The following PRKG1 variants were observed in gnomAD, a reference collection of about 807,000 sequenced individuals.
PRKG1 encodes cGMP-dependent protein kinase 1.
In PRKG1, 35 loss-of-function variants were observed where a neutral mutation model predicts 88.1. The observed-to-expected ratio is 0.40, with a 90% confidence interval of 0.30 to 0.53. The LOEUF (loss-of-function observed/expected upper bound fraction) is 0.53, where lower values mean the gene tolerates loss of function less well. PRKG1 is among the 20% of genes least tolerant of loss of function. The pLI is 0.59. For missense variants in PRKG1, 540 were observed against 839.8 expected (o/e 0.64, Z 4.41); for synonymous variants, 303 against 292.5 (o/e 1.04, Z -0.37).
chr10:51,836,746 G>A (rs1589337157), intron 4 of PRKG1, among the ~76,000 whole-genome samples: 1 of 152,078 alleles, frequency 6.6e-6, no homozygotes, highest in East Asian at 1.9e-4. Context: ...ATAAACAGAA[G>A]ATGTGAATAG....
intron 2 of PRKG1, among the ~76,000 whole-genome samples, chr10:51,282,513 G>A (rs1174183316): frequency 6.6e-6 from 1 of 152,136 alleles, no homozygotes; most frequent in Non-Finnish European, 1.5e-5. Flanking sequence ...AGGGAGAGGA[G>A]TTCACGAAGG....
chr10:51,189,993 G>C (rs568922857), intron 2 of PRKG1, among the ~76,000 whole-genome samples: 3 of 151,960 alleles, frequency 2.0e-5, no homozygotes, highest in South Asian at 4.1e-4. Flanking sequence ...CAGATCTTCC[G>C]ACTCTTTGTC....
At chr10:51,561,675 G>A (rs1449712445) in intron 3 of PRKG1, among the ~76,000 whole-genome samples, 3 of 151,996 alleles carry the variant, frequency 2.0e-5, no homozygotes, top group Non-Finnish European at 2.9e-5. Context: ...TGGAGAAGGG[G>A]AGGAAGAGGA....
At chr10:51,926,366 G>A (rs1842575806) in intron 5 of PRKG1, among the ~76,000 whole-genome samples, 1 of 152,188 alleles carries the variant, frequency 6.6e-6, no homozygotes, top group African/African-American at 2.4e-5. Flanking sequence ...AGCCTCTGTA[G>A]ATATTTGACC....
intron 7 of PRKG1, among the ~76,000 whole-genome samples, chr10:52,102,158 A>G (rs1847307684): frequency 6.6e-6 from 1 of 152,166 alleles, no homozygotes; most frequent in Admixed American, 6.5e-5. Context: ...TAGCCAATAA[A>G]CAACTGCCTT....
intron 1 of PRKG1, among the ~76,000 whole-genome samples, chr10:51,112,495 G>A (rs1400372371): frequency 6.6e-6 from 1 of 151,958 alleles, no homozygotes; most frequent in Non-Finnish European, 1.5e-5. Flanking sequence ...TCATCCTCAT[G>A]AATTTCTGAA....
At chr10:52,204,437 G>T (rs1464393051) in intron 9 of PRKG1, among the ~76,000 whole-genome samples, 1 of 152,152 alleles carries the variant, frequency 6.6e-6, no homozygotes, top group East Asian at 1.9e-4. Context: ...ATAATGCGTT[G>T]TGGGAAGTCA....
intron 2 of PRKG1, among the ~76,000 whole-genome samples, chr10:51,429,674 G>C (rs552499303): frequency 1.3e-5 from 2 of 152,080 alleles, no homozygotes; most frequent in Non-Finnish European, 2.9e-5. Flanking sequence ...CTGTATTTGA[G>C]AAGTATAATT....
At chr10:51,824,116 C>T (rs2132735213) in intron 4 of PRKG1, among the ~76,000 whole-genome samples, 1 of 152,164 alleles carries the variant, frequency 6.6e-6, no homozygotes, top group Non-Finnish European at 1.5e-5. Flanking sequence ...TCAAGTGATT[C>T]TCCCGCTTTG....
intron 7 of PRKG1, among the ~76,000 whole-genome samples, chr10:52,085,916 A>T (rs1253950709): frequency 6.6e-6 from 1 of 152,142 alleles, no homozygotes; most frequent in Non-Finnish European, 1.5e-5. Context: ...CAGCCCAAAA[A>T]TCTAGTAAAA....
chr10:51,075,965 C>T (rs1329035778), intron 1 of PRKG1, among the ~76,000 whole-genome samples: 1 of 151,370 alleles, frequency 6.6e-6, no homozygotes. Context: ...GCTGCTTACT[C>T]TACTACTAAC....
In PRKG1 at chr10:52,256,069, A is replaced by G. The variant is rs1025345196; in HGVS notation, c.1173+4403A>G. ...GAAAGAGCTGTTGTTATTGCCCAGAATTACTGATTTTTTAACTAGAAGCTT... is the reference window on the plus strand; with the variant it reads ...GAAAGAGCTGTTGTTATTGCCCAGAGTTACTGATTTTTTAACTAGAAGCTT... On this transcript the variant is annotated intron_variant, in intron 10 of 17. Transcript: ENST00000373980. Among the ~76,000 whole-genome samples, 9 of 140,216 alleles carry G rather than the reference A, an allele frequency of 6.4e-5. 1 individual carries two copies. The highest frequency in any genetic ancestry group is 1.1e-4 in the Non-Finnish European group (7 of 62,010). The allele number at this position is 140,216 out of a possible 152,430, so 92.0% of individuals were successfully genotyped here.
At chr10:52,253,528 A>G (rs1841233348) in intron 10 of PRKG1, 1 of 151,954 alleles carries the variant, frequency 6.6e-6, no homozygotes, top group South Asian at 2.1e-4. Context: ...AAGTTAGTTT[A>G]AAAACAAAAA....
At chr10:51,791,305 T>C (rs1263062748) in intron 3 of PRKG1, among the ~76,000 whole-genome samples, 1 of 152,168 alleles carries the variant, frequency 6.6e-6, no homozygotes, top group African/African-American at 2.4e-5. Context: ...CCTGGTATAG[T>C]TCTTGGCACA....
chr10:51,803,590 C>T (rs1216042312), intron 3 of PRKG1, among the ~76,000 whole-genome samples: 1 of 152,094 alleles, frequency 6.6e-6, no homozygotes. Context: ...TGGGCTTAGT[C>T]TTGAGAACTG....
chr10:51,903,461 G>A (rs1334233703), intron 4 of PRKG1, among the ~76,000 whole-genome samples: 2 of 151,866 alleles, frequency 1.3e-5, no homozygotes. Context: ...TTTCATATTG[G>A]CAACTTACTC....
At chr10:51,533,243 A>G (rs891279277) in intron 3 of PRKG1, among the ~76,000 whole-genome samples, 1 of 152,244 alleles carries the variant, frequency 6.6e-6, no homozygotes, top group Admixed American at 6.5e-5. Flanking sequence ...TCCTTTCAAT[A>G]AAAGTAATAG....
intron 3 of PRKG1, among the ~76,000 whole-genome samples, chr10:51,594,107 C>G (rs947259635): frequency 1.3e-5 from 2 of 152,080 alleles, no homozygotes; most frequent in Non-Finnish European, 2.9e-5. Context: ...TCACTGCAGT[C>G]TCAAACTCCT....
At chr10:52,179,282 T>C (rs537339391) in intron 9 of PRKG1, among the ~76,000 whole-genome samples, 1 of 152,212 alleles carries the variant, frequency 6.6e-6, no homozygotes, top group Non-Finnish European at 1.5e-5. Flanking sequence ...CTACTAGTGA[T>C]GAATTCCCTT....
Sources: allele counts gnomAD v4.1 joint callset (sites outside exome capture counted in the v4.1 genomes callset), GRCh38; gene constraint gnomAD v4.1.1; transcripts MANE v1.5; gene names NCBI Gene and HGNC (gene_info 2026-07-23, HGNC 2026-07-21).